The following SOX6 variants were observed in gnomAD, a reference collection of about 807,000 sequenced individuals.
SOX6 encodes the protein SRY-box transcription factor 6.
In SOX6, 11 loss-of-function variants were observed where a neutral mutation model predicts 97.8. That is an observed-to-expected ratio of 0.11 (90% CI 0.07 to 0.19). SOX6 has a LOEUF of 0.19. Among genes scored for constraint, SOX6 ranks in the 10% least tolerant of loss-of-function variants. The pLI, the probability that SOX6 is intolerant of heterozygous loss-of-function variation, is 1.00. For synonymous variants in SOX6, 360 were observed against 371.4 expected (o/e 0.97, Z 0.35); for missense variants, 810 against 1,039.5 (o/e 0.78, Z 3.04).
chr11:16,162,156 G>A (rs1265305375), intron 6 of SOX6, among the ~76,000 whole-genome samples: 1 of 152,096 alleles, frequency 6.6e-6, no homozygotes, highest in East Asian at 1.9e-4. Context: ...TTTTTACCCA[G>A]ACATTCTTGC....
intron 9 of SOX6, among the ~76,000 whole-genome samples, chr11:16,079,608 T>C (rs760225421): frequency 6.6e-6 from 1 of 152,116 alleles, no homozygotes; most frequent in Non-Finnish European, 1.5e-5. Context: ...TATCGAGACA[T>C]AAGGAAGTAT....
intron 9 of SOX6, among the ~76,000 whole-genome samples, chr11:16,089,602 C>T (rs1378308): frequency 0.13 from 19,247 of 151,946 alleles, 2,656 homozygotes; most frequent in East Asian, 0.37. Context: ...TTTAAATCAT[C>T]ATAAATTTTC....
At chr11:16,134,041 A>G (rs1325969574) in intron 6 of SOX6, among the ~76,000 whole-genome samples, 1 of 152,264 alleles carries the variant, frequency 6.6e-6, no homozygotes, top group East Asian at 1.9e-4. Context: ...TAATGATTAT[A>G]GTAATAAAGG....
intron 6 of SOX6, among the ~76,000 whole-genome samples, chr11:16,122,963 T>C (rs1324495732): frequency 1.3e-5 from 2 of 152,078 alleles, no homozygotes; most frequent in East Asian, 1.9e-4. Flanking sequence ...TGATCTTTTC[T>C]TTTGGCCCTG....
intron 6 of SOX6, among the ~76,000 whole-genome samples, chr11:16,172,678 T>C (rs1400094628): frequency 6.6e-6 from 1 of 152,052 alleles, no homozygotes; most frequent in Non-Finnish European, 1.5e-5. Context: ...TCAATTCCTG[T>C]CATCTAGAAT....
chr11:16,637,642 G>A (rs1327463272), intron 3 of SOX6, among the ~76,000 whole-genome samples: 1 of 152,188 alleles, frequency 6.6e-6, no homozygotes, highest in Non-Finnish European at 1.5e-5. Flanking sequence ...TAAACAGAAT[G>A]CAATAGACAA....
rs1336132921 is a variant in SOX6 at position 16,613,541 on chromosome 11, C to T, written n.430-1281G>A. 6.6e-6 allele frequency among the ~76,000 whole-genome samples: 1 copy of T among 152,048 alleles called. No individual in the cohort carries two copies. Among genetic ancestry groups the T allele is most frequent in the Non-Finnish European group, 1.5e-5 (1 of 68,014 alleles). ...GAGGGCTCAGGTGATGGAGAGGAGG[C>T]TCGCGGCGTCCCAAACGGGTTCGGC... On this transcript the variant is annotated intron_variant and non_coding_transcript_variant, in intron 3 of 5. Transcript: ENST00000524520. This position sits in a 1 kb window ranked among gnomAD's most constrained non-coding sequence, Gnocchi z 4.6.
intron 3 of SOX6, chr11:16,311,963 C>T (rs1855615993): frequency 6.6e-6 from 1 of 152,128 alleles, no homozygotes; most frequent in Non-Finnish European, 1.5e-5. Context: ...TAAACACATG[C>T]TCATTCTTGT....
intron 6 of SOX6, among the ~76,000 whole-genome samples, chr11:16,120,968 G>C (rs1424104322): frequency 1.6e-5 from 2 of 125,364 alleles, no homozygotes; most frequent in Non-Finnish European, 4.0e-5. Flanking sequence ...ATCTTCTTCA[G>C]GTATATATTC....
At chr11:16,275,324 G>T (rs1483304655) in intron 3 of SOX6, among the ~76,000 whole-genome samples, 2 of 151,672 alleles carry the variant, frequency 1.3e-5, no homozygotes, top group South Asian at 2.1e-4. Flanking sequence ...TGTGGTGGCG[G>T]GTGCCTCTAG....
chr11:16,640,662 T>A (rs1184537066), intron 3 of SOX6, among the ~76,000 whole-genome samples: 1 of 152,232 alleles, frequency 6.6e-6, no homozygotes, highest in East Asian at 1.9e-4. Context: ...TCGAGGAATT[T>A]ATCCATTTCT....
intron 6 of SOX6, among the ~76,000 whole-genome samples, chr11:16,119,286 G>T (rs1849430741): frequency 6.6e-6 from 1 of 152,078 alleles, no homozygotes; most frequent in South Asian, 2.1e-4. Flanking sequence ...GAGGTTAGGA[G>T]GAAAAATATC....
At chr11:16,566,754 G>A (rs1182413403) in intron 4 of SOX6, among the ~76,000 whole-genome samples, 1 of 152,230 alleles carries the variant, frequency 6.6e-6, no homozygotes, top group Non-Finnish European at 1.5e-5. Flanking sequence ...TGCAGCTACT[G>A]TGGAAAACAG....
At chr11:16,639,549 A>C (rs10832660) in intron 3 of SOX6, among the ~76,000 whole-genome samples, 25,298 of 152,216 alleles carry the variant, frequency 0.17, 2,747 homozygotes, top group East Asian at 0.32. Flanking sequence ...ACCCATGAGC[A>C]TGGAGTGTTC....
chr11:16,048,313 TC>T (rs1564925489), intron 11 of SOX6, among the ~76,000 whole-genome samples: 1 of 152,172 alleles, frequency 6.6e-6, no homozygotes, highest in Non-Finnish European at 1.5e-5. Flanking sequence ...AACTTTCAGG[TC>T]CCAAAAAGAC....
At chr11:16,019,001 A>C (rs1303642765) in intron 12 of SOX6, among the ~76,000 whole-genome samples, 3 of 152,172 alleles carry the variant, frequency 2.0e-5, no homozygotes. Flanking sequence ...AAACTGTTTC[A>C]GTAGTAGAGT....
chr11:16,687,569 G>A (rs945486438), intron 3 of SOX6, among the ~76,000 whole-genome samples: 1 of 152,148 alleles, frequency 6.6e-6, no homozygotes, highest in Non-Finnish European at 1.5e-5. Context: ...GCAGGCATGT[G>A]CCACTATGCC....
intron 6 of SOX6, among the ~76,000 whole-genome samples, chr11:16,157,683 G>C (rs993697): frequency 0.084 from 12,759 of 151,900 alleles, 1,117 homozygotes; most frequent in East Asian, 0.37. Context: ...TTCAATATCT[G>C]GTGCATAGCT....
At chr11:16,570,359 AT>A (rs1847924635) in intron 4 of SOX6, among the ~76,000 whole-genome samples, 1 of 152,000 alleles carries the variant, frequency 6.6e-6, no homozygotes, top group African/African-American at 2.4e-5. Context: ...ATACAGGTAA[AT>A]TTGGTAGCAA....
Sources: gnomAD v4.1 joint callset for allele counts (sites outside exome capture counted in the v4.1 genomes callset) on GRCh38, gnomAD v4.1.1 for gene constraint, Gnocchi (gnomAD v3.1) non-coding constraint, MANE v1.5 for transcripts, NCBI Gene and HGNC (gene_info 2026-07-23, HGNC 2026-07-21) for gene names.